Variants in ACSL3 observed in about 807,000 individuals in gnomAD.
ACSL3 encodes acyl-CoA synthetase long chain family member 3, also known as fatty acid CoA ligase Acsl3.
In ACSL3, 34 loss-of-function variants were observed where a neutral mutation model predicts 84.7. The observed-to-expected ratio is 0.40, with a 90% CI of 0.31 to 0.53. ACSL3 has a LOEUF of 0.53. ACSL3 is among the 20% of genes least tolerant of loss of function. The pLI is 0.48. For missense variants in ACSL3, 680 were observed against 873.1 expected, an observed-to-expected ratio of 0.78 and a Z score of 2.79; for synonymous variants, 315 against 299.4, an observed-to-expected ratio of 1.05 and a Z score of -0.54.
intron 8 of ACSL3, among the ~76,000 whole-genome samples, chr2:222,921,922 A>G (rs533527423): frequency 4.0e-4 from 61 of 152,266 alleles, no homozygotes; most frequent in Non-Finnish European, 7.2e-4. Context: ...CAGAGATGCA[A>G]TTGGTATTCT....
chr2:222,908,278 A>G (rs1375182148), intron 3 of ACSL3, among the ~76,000 whole-genome samples: 2 of 152,232 alleles, frequency 1.3e-5, no homozygotes, highest in Admixed American at 6.5e-5. Context: ...GTTGCTGACT[A>G]GAGTGAGAAT....
At chr2:222,930,968 G>A (rs1470596257) in intron 14 of ACSL3, among the ~76,000 whole-genome samples, 156 bp downstream of exon 14, 1 of 152,180 alleles carries the variant, frequency 6.6e-6, no homozygotes, top group Non-Finnish European at 1.5e-5. Context: ...ATTACGGACT[G>A]TGGAATTTAT....
chr2:222,879,304 C>T (rs183827099), intron 1 of ACSL3, among the ~76,000 whole-genome samples: 43 of 152,056 alleles, frequency 2.8e-4, no homozygotes, highest in African/African-American at 1.0e-3. Flanking sequence ...GGGGACAGAG[C>T]GAGACTGTCT....
intron 6 of ACSL3, 41 bp from the exon 7 acceptor site, chr2:222,919,023 T>G: frequency 6.2e-7 from 1 of 1,606,240 alleles, no homozygotes; most frequent in Non-Finnish European, 8.5e-7. Context: ...GCTAAGCTGC[T>G]TGAAAAATAA....
In ACSL3 at chr2:222,864,171, C is replaced by G. The variant is rs150128502; in HGVS notation, c.-207+2913C>G. ...ACTAAAGAGGTATGTGTGCTATTCACTGAGCTGGGGCTTAACTGGTAGAGA... is the reference window on the plus strand; with the variant it reads ...ACTAAAGAGGTATGTGTGCTATTCAGTGAGCTGGGGCTTAACTGGTAGAGA... On this transcript the variant is annotated intron_variant, in intron 1 of 16. Coordinates refer to ENST00000357430, the MANE Select transcript of ACSL3 (RefSeq NM_004457.5). 3.3e-5 allele frequency among the ~76,000 whole-genome samples: 5 copies of G among 152,292 alleles called. No homozygotes were observed. In the East Asian group the frequency reaches 9.6e-4, roughly 29 times the overall value.
intron 1 of ACSL3, among the ~76,000 whole-genome samples, chr2:222,869,783 A>G (rs1695251186): frequency 6.6e-6 from 1 of 152,176 alleles, no homozygotes; most frequent in African/African-American, 2.4e-5. Flanking sequence ...TGAGCCATCA[A>G]CTGCTTGGGA....
chr2:222,910,454 A>G (rs552450166), intron 4 of ACSL3, among the ~76,000 whole-genome samples: 92 of 152,206 alleles, frequency 6.0e-4, no homozygotes, highest in Non-Finnish European at 1.1e-3. Context: ...GAAACCGTCA[A>G]CTCTTGAAGG....
chr2:222,882,916 T>A (rs533379551), intron 1 of ACSL3, among the ~76,000 whole-genome samples: 3 of 151,856 alleles, frequency 2.0e-5, no homozygotes, highest in East Asian at 3.9e-4. Context: ...TACAGGCAGA[T>A]GCCACCATGC....
At chr2:222,864,799 A>G (rs943193088) in intron 1 of ACSL3, among the ~76,000 whole-genome samples, 14 of 152,198 alleles carry the variant, frequency 9.2e-5, no homozygotes, top group African/African-American at 3.1e-4. Context: ...ATGGGACCCA[A>G]AGTACAACTG....
At position 222,941,864 on chromosome 2, in the gene ACSL3, T is replaced by G. The variant is rs1697321441; in HGVS notation, c.*210T>G. 2.0e-6 allele frequency: 1 copy of G among 488,552 alleles called. No individual in the cohort carries two copies. Among genetic ancestry groups the G allele is most frequent in the African/African-American group, 2.0e-5 (1 of 50,844 alleles). 30.3% of individuals were successfully genotyped at this position (488,552 alleles called of 1,614,324 possible). On this transcript the variant is annotated 3_prime_UTR_variant, in exon 17 of 17. Coordinates refer to ENST00000357430, the MANE Select transcript of ACSL3 (RefSeq NM_004457.5). ...TTCTTTCATTTTCCCCGCCACCAAC[T>G]TACTTTACCACCTATGACTGTACTT... is the stretch of plus-strand genomic sequence containing the variant.
At chr2:222,918,268 A>G in intron 6 of ACSL3, 113 bp downstream of exon 6, 2 of 550,312 alleles carry the variant, frequency 3.6e-6, no homozygotes, top group Non-Finnish European at 6.2e-6. Context: ...ATCTTTGTGG[A>G]CTTTTATGAA....
In ACSL3 at chr2:222,897,908, C is replaced by G. The variant is rs1450900350; in HGVS notation, c.-147-2766C>G. Among the ~76,000 whole-genome samples the G allele has an allele frequency of 3.5e-3, 4 of 1,150 alleles. 2 individuals are homozygous for G. The highest frequency in any genetic ancestry group is 4.3e-3 in the Non-Finnish European group (4 of 922). The allele number at this position is 1,150 out of a possible 152,430, so 0.8% of individuals were successfully genotyped here. On this transcript the variant is annotated intron_variant, in intron 2 of 16. Transcript: ENST00000357430. ...CTTCGGCTCGGCATCAGAGGGAGAC[C>G]GTGGAGAGGGAGAGGGGGAGGGGGA...
intron 14 of ACSL3, among the ~76,000 whole-genome samples, chr2:222,932,031 T>C (rs1697043093): frequency 6.6e-6 from 1 of 152,164 alleles, no homozygotes; most frequent in Admixed American, 6.5e-5. Context: ...TGAGACCCTG[T>C]CTCAAAATCT....
chr2:222,913,018 A>G (rs942731879), intron 4 of ACSL3, among the ~76,000 whole-genome samples: 1 of 152,240 alleles, frequency 6.6e-6, no homozygotes, highest in Non-Finnish European at 1.5e-5. Flanking sequence ...TATACCTGAA[A>G]TAGAACAAAG....
At chr2:222,904,161 C>T (rs932240150) in intron 3 of ACSL3, among the ~76,000 whole-genome samples, 10 of 152,124 alleles carry the variant, frequency 6.6e-5, no homozygotes, top group Non-Finnish European at 1.0e-4. Context: ...ATCCCAGCTA[C>T]TCGGGAGTCT....
chr2:222,862,919 C>T (rs559711489), intron 1 of ACSL3, among the ~76,000 whole-genome samples: 1 of 152,216 alleles, frequency 6.6e-6, no homozygotes, highest in South Asian at 2.1e-4. Flanking sequence ...ATGAAGAACG[C>T]ACAAATTATA....
intron 2 of ACSL3, among the ~76,000 whole-genome samples, chr2:222,888,860 C>T (rs78545386): frequency 0.074 from 11,266 of 152,232 alleles, 516 homozygotes; most frequent in Middle Eastern, 0.13. Context: ...ACTTTGTCCA[C>T]TTTAATAGTA....
chr2:222,902,997 C>G (rs1055181817), intron 3 of ACSL3, among the ~76,000 whole-genome samples: 3 of 152,116 alleles, frequency 2.0e-5, no homozygotes, highest in Non-Finnish European at 4.4e-5. Context: ...TATTTGTCTG[C>G]CTCCAGCCTC....
At chr2:222,867,936 CGAA>C (rs1005411074) in intron 1 of ACSL3, among the ~76,000 whole-genome samples, 1 of 150,202 alleles carries the variant, frequency 6.7e-6, no homozygotes, top group African/African-American at 2.4e-5. Context: ...CACTTTTCCT[CGAA>C]GGCTCTTTTT....
Sources: allele counts gnomAD v4.1 joint callset (sites outside exome capture counted in the v4.1 genomes callset), GRCh38; gene constraint gnomAD v4.1.1; transcripts MANE v1.5; gene names NCBI Gene and HGNC (gene_info 2026-07-23, HGNC 2026-07-21).